UNC13D: variants seen among roughly 807,000 people sequenced by gnomAD.
The protein encoded by UNC13D is protein unc-13 homolog D.
Under a neutral mutation model 151.7 loss-of-function variants are expected in UNC13D, and 115 were observed. The observed-to-expected ratio is 0.76, with a 90% CI of 0.65 to 0.88. The LOEUF (loss-of-function observed/expected upper bound fraction) is 0.88, where lower values mean the gene tolerates loss of function less well. Among genes scored for constraint, UNC13D ranks in the 40% least tolerant of loss-of-function variants. UNC13D has a pLI of 0.00. For missense variants in UNC13D, 1,369 were observed against 1,438.7 expected (o/e 0.95, Z 0.78); for synonymous variants, 588 against 612.2 (o/e 0.96, Z 0.58).
Position 75,827,610 on chromosome 17 carries a change from A to AGGCCAGGAGGCAGATGGGCCAG in UNC13D, c.*333_*354dup, listed in dbSNP as rs534693259. On this transcript the variant is annotated 3_prime_UTR_variant, in exon 32 of 32. Transcript: ENST00000207549. ...CCCCACCCCAGTGGCTGGAACAGGA[A>AGGCCAGGAGGCAGATGGGCCAG]GGCCAGGAGGCAGATGGGCCAGGGC... 1.5e-3 allele frequency: 2,366 copies of AGGCCAGGAGGCAGATGGGCCAG among 1,535,428 alleles called. 32 individuals are homozygous for AGGCCAGGAGGCAGATGGGCCAG. In the African/African-American group the frequency reaches 0.03, roughly 19 times the overall value.
In UNC13D at chr17:75,834,909, A is replaced by G. The variant is rs112501965; in HGVS notation, c.1992+11T>C. On this transcript the variant is annotated intron_variant, in intron 21 of 31. Transcript: ENST00000207549. ...AGAAAGAGGGGGAAGGACACGTGGA[A>G]GATGCCGCACCTCCACAAACTTGAC... The G allele has an allele frequency of 2.2e-3, 3,538 of 1,613,908 alleles. 65 individuals are homozygous for G. In the African/African-American group the frequency reaches 0.042, roughly 19 times the overall value.
Position 75,839,795 on chromosome 17 carries a change from G to A in UNC13D, c.1055+44C>T, listed in dbSNP as rs776458244. On this transcript the variant is annotated intron_variant, in intron 12 of 31. Coordinates refer to ENST00000207549, the MANE Select transcript of UNC13D (RefSeq NM_199242.3). ...GGCTTGGAGGAGGGCAGGGGGCGTG[G>A]GGGGCTGGTGGCTCAGGGGTTCTGC... is the stretch of plus-strand genomic sequence containing the variant. The A allele has an allele frequency of 1.0e-5, 16 of 1,601,484 alleles. No homozygotes were observed. In the Admixed American group the frequency reaches 2.3e-4, roughly 23 times the overall value.
chr17:75,829,993 G>T, intron 30 of UNC13D, 35 bp downstream of exon 30: 1 of 1,565,970 alleles, frequency 6.4e-7, no homozygotes. Context: ...GGAGAGATGA[G>T]GGGAGGGACT....
rs762340093 is a variant in UNC13D at position 75,827,495 on chromosome 17, C to CAA, written c.*469_*470insTT. The CAA allele has an allele frequency of 2.0e-5, 31 of 1,514,616 alleles. No individual in the cohort carries two copies. The South Asian group carries it at 3.7e-4, about 18-fold the overall frequency. 93.8% of individuals were successfully genotyped at this position (1,514,616 alleles called of 1,614,324 possible). A position where few individuals can be genotyped will look rare whatever the true frequency, so the allele number is the denominator to read the frequency against. ...CTAGTAATGGCCACCACCCTCCCCC[C>CAA]AGGGCAGCTGGAGCCTCATCTTTGG... On this transcript the variant is annotated 3_prime_UTR_variant, in exon 32 of 32. Coordinates refer to ENST00000207549, the MANE Select transcript of UNC13D (RefSeq NM_199242.3).
Position 75,834,474 on chromosome 17 carries a change from C to T in UNC13D, c.2149G>A (p.Ala717Thr), listed in dbSNP as rs771145468. The T allele has an allele frequency of 3.5e-5, 55 of 1,565,552 alleles. No individual in the cohort carries two copies. Among genetic ancestry groups the T allele is most frequent in the Admixed American group, 5.7e-5 (3 of 52,816 alleles). Residue 717 changes from alanine to threonine, a missense_variant, in exon 23 of 32, where the codon GCC (alanine) becomes ACC (threonine). Transcript: ENST00000207549. ...QLRLVIGKLPAQLAWEALEQR... is the reference protein window; with the variant it reads ...QLRLVIGKLPTQLAWEALEQR... ...TCCAGGGCCTCCCATGCCAGCTGGG[C>T]GGGCAACTTGCCGATCACCAGCCGC...
At position 75,833,864 on chromosome 17, in the gene UNC13D, C is replaced by T. The variant is rs1357140648; in HGVS notation, c.2367+211G>A. On this transcript the variant is annotated intron_variant, in intron 24 of 31. Coordinates refer to ENST00000207549, the MANE Select transcript of UNC13D (RefSeq NM_199242.3). This position sits in a 1 kb window ranked among gnomAD's most constrained non-coding sequence, Gnocchi z 4.0. ...GCTGCAAAGTCTAAGCCGTCCCCAA[C>T]TGCAGCCCCCTCATTGACTGTCAGT... is the stretch of plus-strand genomic sequence containing the variant. Among the ~76,000 whole-genome samples, 1 of 152,228 alleles carries T rather than the reference C, an allele frequency of 6.6e-6. No individual in the cohort carries two copies. Among genetic ancestry groups the T allele is most frequent in the East Asian group, 1.9e-4 (1 of 5,200 alleles).
chr17:75,831,036 G>C lies in UNC13D; in HGVS notation c.2625+62C>G, dbSNP rs1420692232. 23 of 1,592,344 alleles carry C rather than the reference G, an allele frequency of 1.4e-5. No homozygotes were observed. In the Middle Eastern group the frequency reaches 1.0e-3, roughly 70 times the overall value. On this transcript the variant is annotated intron_variant, in intron 27 of 31. Coordinates refer to ENST00000207549, the MANE Select transcript of UNC13D (RefSeq NM_199242.3). ...AATTATGTAGCCGACCCTGGACATA[G>C]GTGAGTGCCAAAAGGCAGGCTCCCC...
chr17:75,833,179 G>T lies in UNC13D; in HGVS notation c.2368-134C>A. 1.2e-6 allele frequency: 1 copy of T among 817,256 alleles called. No homozygotes were observed. Among genetic ancestry groups the T allele is most frequent in the South Asian group, 1.6e-5 (1 of 62,064 alleles). The allele number at this position is 817,256 out of a possible 1,614,324, so 50.6% of individuals were successfully genotyped here. A position where few individuals can be genotyped will look rare whatever the true frequency, so the allele number is the denominator to read the frequency against. On this transcript the variant is annotated intron_variant, in intron 24 of 31. Transcript: ENST00000207549. This position sits in a 1 kb window ranked among gnomAD's most constrained non-coding sequence, Gnocchi z 4.0. The stretch of plus-strand genomic sequence containing the variant: ...GAGCAGTTTGTAGTGTCTGTAAGAG[G>T]CCGGCCTGCCCACCTCTCTGCCTTC...
At position 75,840,266 on chromosome 17, in the gene UNC13D, G is replaced by A. The variant is rs201589664; in HGVS notation, c.817C>T (p.Arg273Ter). The change falls in exon 10 of 32, where the codon CGA becomes TGA. Residue 273 changes from arginine to a stop codon, truncating the protein, a stop_gained. Coordinates refer to ENST00000207549, the MANE Select transcript of UNC13D (RefSeq NM_199242.3). LOFTEE classifies it high-confidence loss of function. The surrounding 1 kb of genome is among the most constrained non-coding windows in gnomAD (Gnocchi z 4.6). Reference sequence around the variant, plus strand: ...TGGAACTGGAGGTGGCACTGGCCTCGGTCTGGGTAGGTCTCAGTGCGGGGT... The same window carrying A: ...TGGAACTGGAGGTGGCACTGGCCTCAGTCTGGGTAGGTCTCAGTGCGGGGT... ...LEPRTETYPDRGQCHLQFQLI... is the reference protein window; with the variant it reads ...LEPRTETYPD The A allele has an allele frequency of 8.7e-6, 14 of 1,613,906 alleles. No individual in the cohort carries two copies. The highest frequency in any genetic ancestry group is 1.6e-4 in the Middle Eastern group (1 of 6,064).
rs2143875673 is a variant in UNC13D at position 75,834,538 on chromosome 17, C to G, written c.2092-7G>C. On this transcript the variant is annotated splice_polypyrimidine_tract_variant and splice_region_variant and intron_variant, in intron 22 of 31. Transcript: ENST00000207549. ...CATTCACCACCACACACAGCTGGGACAGAGATGCAGAGCTTCCTGAACTGT... is the reference window on the plus strand; with the variant it reads ...CATTCACCACCACACACAGCTGGGAGAGAGATGCAGAGCTTCCTGAACTGT... 1.2e-5 allele frequency: 19 copies of G among 1,599,840 alleles called. No homozygotes were observed. Among genetic ancestry groups the G allele is most frequent in the Non-Finnish European group, 1.6e-5 (19 of 1,173,108 alleles).
In UNC13D at chr17:75,830,123, G is replaced by C; in HGVS notation, c.2859C>G (p.Thr953=). The C allele has an allele frequency of 6.3e-7, 1 of 1,589,146 alleles. No homozygotes were observed. Among genetic ancestry groups the C allele is most frequent in the Non-Finnish European group, 8.6e-7 (1 of 1,168,132 alleles). ...NGSSDPFVQL[T]LEPRHEFPEL... ...CAGGGAACTCATGCCTGGGCTCCAAGGTCAGCTGGACAAAGGGGTCGCTGG... is the reference window on the plus strand; with the variant it reads ...CAGGGAACTCATGCCTGGGCTCCAACGTCAGCTGGACAAAGGGGTCGCTGG... The change falls in exon 30 of 32, where the codon ACC becomes ACG. Residue 953 remains threonine (T), a synonymous_variant. Transcript: ENST00000207549.
At chr17:75,841,442 C>CT (rs145752081) in intron 6 of UNC13D, among the ~76,000 whole-genome samples, 23,956 of 110,332 alleles carry the variant, frequency 0.22, 3,869 homozygotes, top group African/African-American at 0.4. Flanking sequence ...CGCGCCCAGC[C>CT]TTTTTTTTTT....
Position 75,835,455 on chromosome 17 carries a change from T to C in UNC13D, c.1802A>G (p.Tyr601Cys), listed in dbSNP as rs199861712. The C allele has an allele frequency of 6.2e-7, 1 of 1,613,062 alleles. No homozygotes were observed. The highest frequency in any genetic ancestry group is 1.3e-5 in the African/African-American group (1 of 75,042). The change falls in exon 20 of 32, where the codon TAC becomes TGC. Residue 601 changes from tyrosine (Y) to cysteine (C), a missense_variant. Coordinates refer to ENST00000207549, the MANE Select transcript of UNC13D (RefSeq NM_199242.3). ...PAIPSWLQKT[Y>C]NEALARVQRA... ...CTGCACCCGCGCCAGGGCCTCGTTGTACGTCTTCTGCAGCCAGGAGGGGAT... is the reference window on the plus strand; with the variant it reads ...CTGCACCCGCGCCAGGGCCTCGTTGCACGTCTTCTGCAGCCAGGAGGGGAT...
rs1429381396 is a variant in UNC13D, at chr17:75,830,599, G to A, written c.2688C>T (p.Phe896=). 4 of 1,560,512 alleles carry A rather than the reference G, an allele frequency of 2.6e-6. No individual in the cohort carries two copies. The Admixed American group carries it at 5.7e-5, about 22-fold the overall frequency. ...ASSRELIRKY[F]CSRIQQQAET... ...TCACCTGCTGCTGGATTCGGCTGCA[G>A]AAGTACTTCCGGATGAGTTCCCGGC... The change falls in exon 28 of 32, where the codon TTC becomes TTT. Residue 896 remains phenylalanine, a synonymous_variant. Transcript: ENST00000207549.
At chr17:75,834,263 G>A in intron 23 of UNC13D, 62 bp downstream of exon 23, 1 of 1,582,502 alleles carries the variant, frequency 6.3e-7, no homozygotes, top group Non-Finnish European at 8.5e-7. Flanking sequence ...CCCAGGTGCT[G>A]CTGGAGCCAG....
chr17:75,840,136 CA>C lies in UNC13D; in HGVS notation c.859-27del. The C allele has an allele frequency of 6.2e-7, 1 of 1,611,506 alleles. No homozygotes were observed. Among genetic ancestry groups the C allele is most frequent in the South Asian group, 1.1e-5 (1 of 90,886 alleles). Reference sequence around the variant, plus strand: ...CTGCAATGAGGCCTCTGTGAGCAGACAGGGCCTCACACTGGGTGCAGCCAGC... The same window carrying C: ...CTGCAATGAGGCCTCTGTGAGCAGACGGGCCTCACACTGGGTGCAGCCAGC... On this transcript the variant is annotated intron_variant, in intron 10 of 31. Coordinates refer to ENST00000207549, the MANE Select transcript of UNC13D (RefSeq NM_199242.3). The surrounding 1 kb of genome is among the most constrained non-coding windows in gnomAD (Gnocchi z 4.6).
chr17:75,840,272 G>C lies in UNC13D; in HGVS notation c.811C>G (p.Pro271Ala). The C allele has an allele frequency of 2.5e-6, 4 of 1,613,988 alleles. No homozygotes were observed. The highest frequency in any genetic ancestry group is 2.5e-6 in the Non-Finnish European group (3 of 1,180,022). The change falls in exon 10 of 32, where the codon CCA (proline) becomes GCA (alanine). Residue 271 changes from proline (P) to alanine (A), a missense_variant. Pro to Ala is a conservative substitution (Grantham distance 27, BLOSUM62 -1). Transcript: ENST00000207549. The surrounding 1 kb of genome is among the most constrained non-coding windows in gnomAD (Gnocchi z 4.6). ...YPLEPRTETY[P>A]DRGQCHLQFQ... ...TGGAGGTGGCACTGGCCTCGGTCTG[G>C]GTAGGTCTCAGTGCGGGGTTCCAGG...
chr17:75,835,004 G>A lies in UNC13D; in HGVS notation c.1908C>T (p.Cys636=). Residue 636 remains cysteine, a synonymous_variant, in exon 21 of 32, where the codon TGC becomes TGT. Coordinates refer to ENST00000207549, the MANE Select transcript of UNC13D (RefSeq NM_199242.3). ...GGGCAGTGTGGCTGATCTGGGCAAA[G>A]CAGGTGGATAGATCCACCGCTGATG... ...HSTSAVDLST[C]FAQISHTARQ... 6.2e-7 allele frequency: 1 copy of A among 1,614,096 alleles called. No homozygotes were observed. The highest frequency in any genetic ancestry group is 8.5e-7 in the Non-Finnish European group (1 of 1,180,020).
At chr17:75,844,072 G>T in intron 1 of UNC13D, 149 bp downstream of exon 1, 1 of 1,471,936 alleles carries the variant, frequency 6.8e-7, no homozygotes, top group Middle Eastern at 2.4e-4. Context: ...TGCTGGCCCA[G>T]GGGGCTCTCC....
Sources: allele counts gnomAD v4.1 joint callset (sites outside exome capture counted in the v4.1 genomes callset), GRCh38; gene constraint gnomAD v4.1.1; non-coding constraint Gnocchi (gnomAD v3.1); transcripts MANE v1.5; gene names NCBI Gene and HGNC (gene_info 2026-07-23, HGNC 2026-07-21).